The following SEMA4D variants were observed in gnomAD, a reference collection of about 807,000 sequenced individuals.
The protein encoded by SEMA4D is semaphorin 4D.
In SEMA4D, 22 loss-of-function variants were observed where a neutral mutation model predicts 74.8. The ratio of observed to expected loss-of-function variants is 0.29; its 90% CI spans 0.21 to 0.42. SEMA4D has a LOEUF of 0.42. SEMA4D is among the 10% of genes least tolerant of loss of function. The pLI is 1.00. For missense variants in SEMA4D, 937 were observed against 1,118.4 expected (o/e 0.84, Z 2.31); for synonymous variants, 445 against 463.7 (o/e 0.96, Z 0.52).
chr9:89,387,480 C>T lies in SEMA4D; in HGVS notation c.1236G>A (p.Arg412=). Reference sequence around the variant, plus strand: ...TGTAGTTCACATCTTTCTTGATTAACCTGGGCCTGTTGTCTATTGGGGTTA... The same window carrying T: ...TGTAGTTCACATCTTTCTTGATTAATCTGGGCCTGTTGTCTATTGGGGTTA... ...DSVTPIDNRP[R]LIKKDVNYTQ... is the part of the protein sequence containing the mutation. Residue 412 remains arginine, a synonymous_variant, in exon 12 of 16, where the codon AGG becomes AGA. Transcript: ENST00000422704. The T allele has an allele frequency of 6.2e-7, 1 of 1,614,222 alleles. No individual in the cohort carries two copies.
intron 13 of SEMA4D, chr9:89,386,095 A>G (rs144618171): frequency 1.0e-6 from 1 of 985,002 alleles, no homozygotes; most frequent in African/African-American, 1.7e-5. Flanking sequence ...ACCTCTCCAC[A>G]GCCTGTAAAG....
rs1004638581 is a variant in SEMA4D, at chr9:89,384,765, G to C, written c.1446+1602C>G. ...ACAGGGGGAGGGCGTGGTACTGGCC[G>C]TTTCTCCATTTGCTGATCACCGTGA... On this transcript the variant is annotated intron_variant, in intron 13 of 15. Transcript: ENST00000422704. 6 of 985,398 alleles carry C rather than the reference G, an allele frequency of 6.1e-6. No individual in the cohort carries two copies. The African/African-American group carries it at 1.0e-4, about 17-fold the overall frequency. 61.0% of individuals were successfully genotyped at this position (985,398 alleles called of 1,614,324 possible). A position where few individuals can be genotyped will look rare whatever the true frequency, so the allele number is the denominator to read the frequency against.
At chr9:89,394,794 C>T (rs1201758724) in intron 6 of SEMA4D, among the ~76,000 whole-genome samples, 2 of 152,212 alleles carry the variant, frequency 1.3e-5, no homozygotes, top group Non-Finnish European at 2.9e-5. Flanking sequence ...ATTTAGCATA[C>T]CTTGAAAGGA....
chr9:89,382,350 CAT>C (rs550778317), intron 13 of SEMA4D, among the ~76,000 whole-genome samples: 121 of 152,384 alleles, frequency 7.9e-4, no homozygotes, highest in African/African-American at 2.5e-3. Flanking sequence ...CAAATTTACA[CAT>C]GACTTAGTGG....
At chr9:89,495,588 T>C (rs1486017269) in intron 1 of SEMA4D, among the ~76,000 whole-genome samples, 2 of 152,184 alleles carry the variant, frequency 1.3e-5, no homozygotes, top group Non-Finnish European at 2.9e-5. Context: ...CTTCCTGGAA[T>C]TGTCCAAGTT....
intron 2 of SEMA4D, among the ~76,000 whole-genome samples, chr9:89,432,978 C>T (rs183106616): frequency 2.5e-4 from 38 of 152,278 alleles, no homozygotes; most frequent in Admixed American, 2.2e-3. Flanking sequence ...TCAAAGTGAC[C>T]CCACCTTTAT....
At chr9:89,408,628 G>A (rs187517068) in intron 2 of SEMA4D, among the ~76,000 whole-genome samples, 4 of 152,232 alleles carry the variant, frequency 2.6e-5, no homozygotes, top group Admixed American at 6.5e-5. Flanking sequence ...CTGCACACTC[G>A]CATTGTGAGA....
In SEMA4D at chr9:89,438,888, G is replaced by C. The variant is rs373314741; in HGVS notation, c.-244+17000C>G. ...CACCGTGTTAGCCAGGATGGTCTCA[G>C]TCTCCTGACCTCGTGATCCACCCGC... On this transcript the variant is annotated intron_variant, in intron 2 of 15. Coordinates refer to ENST00000422704, the MANE Select transcript of SEMA4D (RefSeq NM_001371194.2). Among the ~76,000 whole-genome samples, 30 of 142,394 alleles carry C rather than the reference G, an allele frequency of 2.1e-4. 1 individual carries two copies. Among genetic ancestry groups the C allele is most frequent in the African/African-American group, 7.3e-4 (28 of 38,364 alleles). 93.4% of individuals were successfully genotyped at this position (142,394 alleles called of 152,430 possible). A position where few individuals can be genotyped will look rare whatever the true frequency, so the allele number is the denominator to read the frequency against.
At chr9:89,436,128 G>A (rs1320680385) in intron 2 of SEMA4D, among the ~76,000 whole-genome samples, 1 of 152,208 alleles carries the variant, frequency 6.6e-6, no homozygotes, top group African/African-American at 2.4e-5. Flanking sequence ...AGCCTGTAAG[G>A]TCCACTCAAG....
At chr9:89,478,335 T>A (rs183257003) in intron 1 of SEMA4D, among the ~76,000 whole-genome samples, 103 of 152,162 alleles carry the variant, frequency 6.8e-4, no homozygotes, top group Non-Finnish European at 1.0e-3. Context: ...CGCCATGTGA[T>A]GTTGGAGCAG....
exon 19 of SEMA4D, chr9:89,362,245 G>C: frequency 7.8e-7 from 1 of 1,279,190 alleles, no homozygotes; most frequent in Non-Finnish European, 1.1e-6. Flanking sequence ...TCCCGCCTCT[G>C]CCCATCAGGT....
At chr9:89,430,609 C>G (rs919304066) in intron 2 of SEMA4D, among the ~76,000 whole-genome samples, 2 of 152,232 alleles carry the variant, frequency 1.3e-5, no homozygotes, top group Non-Finnish European at 2.9e-5. Flanking sequence ...ACCCCGCAAG[C>G]TCAGAGAGAT....
intron 1 of SEMA4D, among the ~76,000 whole-genome samples, chr9:89,481,058 T>C (rs1449558476): frequency 6.6e-6 from 1 of 152,180 alleles, no homozygotes; most frequent in Non-Finnish European, 1.5e-5. Flanking sequence ...CCCCAACCTC[T>C]CACTGCCATC....
Position 89,379,013 on chromosome 9 carries a change from C to T in SEMA4D, c.2280G>A (p.Leu760=). The T allele has an allele frequency of 6.2e-7, 1 of 1,612,180 alleles. No individual in the cohort carries two copies. Among genetic ancestry groups the T allele is most frequent in the Non-Finnish European group, 8.5e-7 (1 of 1,178,972 alleles). ...AGCGGAATTTCAAGCACTGTCTGGG[C>T]AGGTATCCCTTATAGCAGTTGTAGA... ...LFFYNCYKGY[L]PRQCLKFRSA... Residue 760 remains leucine, a synonymous_variant, in exon 16 of 16, where the codon CTG becomes CTA. Transcript: ENST00000422704.
At chr9:89,469,566 G>A (rs1025634488) in intron 1 of SEMA4D, among the ~76,000 whole-genome samples, 1 of 152,088 alleles carries the variant, frequency 6.6e-6, no homozygotes, top group Non-Finnish European at 1.5e-5. Flanking sequence ...TAAAAATAAT[G>A]CACCACAGCC....
Position 89,380,956 on chromosome 9 carries a change from A to C in SEMA4D, c.1663+99T>G. 4 of 1,447,878 alleles carry C rather than the reference A, an allele frequency of 2.8e-6. No individual in the cohort carries two copies. The South Asian group carries it at 3.4e-5, about 12-fold the overall frequency. The allele number at this position is 1,447,878 out of a possible 1,614,324, so 89.7% of individuals were successfully genotyped here. A position where few individuals can be genotyped will look rare whatever the true frequency, so the allele number is the denominator to read the frequency against. On this transcript the variant is annotated intron_variant, in intron 15 of 15. Transcript: ENST00000422704. ...ACCTCTGTTCCGAGTGGAGAAAGAA[A>C]AACAAAACACACACAAATGCCACAG... is the stretch of plus-strand genomic sequence containing the variant.
At chr9:89,445,053 C>T (rs775764871) in intron 2 of SEMA4D, among the ~76,000 whole-genome samples, 36 of 152,232 alleles carry the variant, frequency 2.4e-4, no homozygotes, top group South Asian at 1.0e-3. Flanking sequence ...GGGGTGACAC[C>T]ATCAAGGCCA....
chr9:89,369,617 T>C (rs910804806), intron 16 of SEMA4D: 2 of 152,272 alleles, frequency 1.3e-5, no homozygotes, highest in Non-Finnish European at 1.5e-5. Context: ...GATCCTTACG[T>C]TTGTATGCCA....
At chr9:89,391,164 G>C in intron 9 of SEMA4D, 100 bp downstream of exon 9, 1 of 1,191,250 alleles carries the variant, frequency 8.4e-7, no homozygotes, top group Non-Finnish European at 1.2e-6. Flanking sequence ...TAAAGTGCTA[G>C]GGAAAGTGAC....
Sources: allele counts gnomAD v4.1 joint callset (sites outside exome capture counted in the v4.1 genomes callset), GRCh38; gene constraint gnomAD v4.1.1; transcripts MANE v1.5; gene names NCBI Gene and HGNC (gene_info 2026-07-23, HGNC 2026-07-21).